Variants in CNTNAP5 observed in about 807,000 individuals in gnomAD.
CNTNAP5 encodes contactin associated protein family member 5, also known as contactin-associated protein-like 5.
Under a neutral mutation model 150.2 loss-of-function variants are expected in CNTNAP5, and 72 were observed. The ratio of observed to expected loss-of-function variants is 0.48; its 90% CI spans 0.40 to 0.58. CNTNAP5 has a LOEUF of 0.58. Ranked by LOEUF, CNTNAP5 falls within the 20% of genes least tolerant of loss-of-function variation. The pLI, the probability that CNTNAP5 is intolerant of heterozygous loss-of-function variation, is 0.00. For missense variants in CNTNAP5, 1,636 were observed against 1,626.2 expected (o/e 1.01, Z -0.10); for synonymous variants, 672 against 619.8 (o/e 1.08, Z -1.25).
intron 3 of CNTNAP5, among the ~76,000 whole-genome samples, chr2:124,413,695 C>G (rs1168057502): frequency 1.1e-4 from 2 of 17,610 alleles, no homozygotes; most frequent in African/African-American, 3.3e-4. Context: ...ATCACATGGA[C>G]ACAGGAAGGG....
intron 20 of CNTNAP5, among the ~76,000 whole-genome samples, chr2:124,866,060 G>A (rs545456762): frequency 3.3e-5 from 5 of 151,676 alleles, no homozygotes; most frequent in Middle Eastern, 3.2e-3. Context: ...TCAGGAGTTC[G>A]AGACTAGCCT....
chr2:124,693,944 A>T (rs1679352562), intron 13 of CNTNAP5, among the ~76,000 whole-genome samples: 1 of 152,028 alleles, frequency 6.6e-6, no homozygotes, highest in African/African-American at 2.4e-5. Flanking sequence ...AATGTCCATT[A>T]TCTGACCTAG....
chr2:124,216,215 G>T (rs767905528), intron 1 of CNTNAP5, among the ~76,000 whole-genome samples: 53 of 152,110 alleles, frequency 3.5e-4, no homozygotes, highest in Non-Finnish European at 3.2e-4. Flanking sequence ...TATCTGGGGG[G>T]ATGATGGGAG....
At chr2:124,610,193 C>T (rs2104984673) in intron 12 of CNTNAP5, among the ~76,000 whole-genome samples, 1 of 152,268 alleles carries the variant, frequency 6.6e-6, no homozygotes, top group South Asian at 2.1e-4. Flanking sequence ...CCTCCAAGGG[C>T]ATTTTCTCTC....
In CNTNAP5 at chr2:124,434,682, A is replaced by G. The variant is rs755328702; in HGVS notation, c.728A>G (p.Asn243Ser). Reference sequence around the variant, plus strand: ...AAGGGGAGGCTCGCCCTACACCTCAATTTGGGTAGGCTCAGACTTCCTCTT... The same window carrying G: ...AAGGGGAGGCTCGCCCTACACCTCAGTTTGGGTAGGCTCAGACTTCCTCTT... ...LQKGRLALHLNLGDSKARLSS... is the reference protein window; with the variant it reads ...LQKGRLALHLSLGDSKARLSS... Residue 243 changes from asparagine to serine, a missense_variant, in exon 5 of 24, where the codon AAT (asparagine) becomes AGT (serine). Physicochemically the swap from Asn to Ser is conservative, Grantham distance 46. Coordinates refer to ENST00000682447, the MANE Select transcript of CNTNAP5 (RefSeq NM_001367498.1). 8.1e-6 allele frequency: 13 copies of G among 1,608,886 alleles called. No homozygotes were observed. Among genetic ancestry groups the G allele is most frequent in the Non-Finnish European group, 1.1e-5 (13 of 1,177,586 alleles).
chr2:124,640,468 C>A (rs920665616), intron 12 of CNTNAP5, among the ~76,000 whole-genome samples: 1 of 152,110 alleles, frequency 6.6e-6, no homozygotes, highest in Non-Finnish European at 1.5e-5. Flanking sequence ...CACCCTGAAC[C>A]GGTAATGCGC....
chr2:124,234,558 A>G (rs1686700992), intron 2 of CNTNAP5, among the ~76,000 whole-genome samples: 2 of 152,122 alleles, frequency 1.3e-5, no homozygotes, highest in African/African-American at 2.4e-5. Flanking sequence ...CAAGTTTTTT[A>G]AAATGCCTGG....
In CNTNAP5 at chr2:124,798,222, A is replaced by G. The variant is rs753123561; in HGVS notation, c.3119A>G (p.Asn1040Ser). 30 of 1,613,812 alleles carry G rather than the reference A, an allele frequency of 1.9e-5. No homozygotes were observed. Among genetic ancestry groups the G allele is most frequent in the South Asian group, 5.5e-5 (5 of 91,082 alleles). The change falls in exon 19 of 24, where the codon AAC becomes AGC. Residue 1040 changes from asparagine to serine, a missense_variant. Asn to Ser is a conservative substitution (Grantham distance 46). Transcript: ENST00000682447. ...ACAGATTCAGCTCCATCCAAGGAAA[A>G]CATTGCACTTAGCTTTGTGACAACC... ...IYTDSAPSKENIALSFVTTQA... is the reference protein window; with the variant it reads ...IYTDSAPSKESIALSFVTTQA...
intron 13 of CNTNAP5, among the ~76,000 whole-genome samples, chr2:124,696,795 C>T (rs1303994245): frequency 6.6e-6 from 1 of 151,976 alleles, no homozygotes; most frequent in Non-Finnish European, 1.5e-5. Context: ...AACACACATT[C>T]ACACACACAC....
At chr2:124,435,727 G>A (rs910421591) in intron 5 of CNTNAP5, among the ~76,000 whole-genome samples, 6 of 152,156 alleles carry the variant, frequency 3.9e-5, no homozygotes, top group African/African-American at 1.2e-4. Context: ...GCAATTAGCT[G>A]GAGAGACATA....
At chr2:124,500,944 G>T (rs762320339) in intron 7 of CNTNAP5, among the ~76,000 whole-genome samples, 15 of 152,148 alleles carry the variant, frequency 9.9e-5, no homozygotes, top group East Asian at 1.9e-4. Flanking sequence ...GGAGCCCACG[G>T]TTCAACTGGA....
intron 1 of CNTNAP5, among the ~76,000 whole-genome samples, chr2:124,046,754 A>G (rs1681548965): frequency 6.6e-6 from 1 of 152,192 alleles, no homozygotes; most frequent in African/African-American, 2.4e-5. Context: ...GACATTTTAG[A>G]CATAGGGATT....
chr2:124,093,150 C>T (rs1028218029), intron 1 of CNTNAP5, among the ~76,000 whole-genome samples: 3 of 152,194 alleles, frequency 2.0e-5, no homozygotes, highest in Non-Finnish European at 4.4e-5. Context: ...ACATATCAGG[C>T]TGCACTGTTT....
intron 17 of CNTNAP5, among the ~76,000 whole-genome samples, chr2:124,786,398 A>AGAGAAG (rs1681583393): frequency 5.5e-4 from 25 of 45,158 alleles, no homozygotes; most frequent in Non-Finnish European, 8.2e-4. Flanking sequence ...AAAGAAAGAA[A>AGAGAAG]GAAGGAAGGA....
chr2:124,562,325 T>C (rs1280784693), intron 10 of CNTNAP5, among the ~76,000 whole-genome samples: 1 of 150,376 alleles, frequency 6.6e-6, no homozygotes, highest in African/African-American at 2.4e-5. Flanking sequence ...ATAATCATGT[T>C]TGTTATAATC....
intron 19 of CNTNAP5, among the ~76,000 whole-genome samples, chr2:124,821,614 C>G (rs1337947016): frequency 6.6e-6 from 1 of 152,070 alleles, no homozygotes; most frequent in Non-Finnish European, 1.5e-5. Context: ...TTTTTTTTAG[C>G]CTTTTTGTAG....
At chr2:124,456,462 A>G (rs149030620) in intron 6 of CNTNAP5, among the ~76,000 whole-genome samples, 1,689 of 152,318 alleles carry the variant, frequency 0.011, 15 homozygotes, top group Non-Finnish European at 0.014. Flanking sequence ...ATGAATGGGT[A>G]GAATCAATAT....
chr2:124,353,559 G>T lies in CNTNAP5; in HGVS notation c.382-63884G>T, dbSNP rs184001005. 1.1e-4 allele frequency among the ~76,000 whole-genome samples: 16 copies of T among 152,178 alleles called. No individual in the cohort carries two copies. In the East Asian group the frequency reaches 3.1e-3, roughly 29 times the overall value. On this transcript the variant is annotated intron_variant, in intron 3 of 23. Transcript: ENST00000682447. ...AAACTATAAGCCTGTCCCATTTCAG[G>T]TCTGCTCTCAGGCAGGCGGAGTGAG...
chr2:124,377,398 T>C (rs1012444899), intron 3 of CNTNAP5, among the ~76,000 whole-genome samples: 1 of 152,072 alleles, frequency 6.6e-6, no homozygotes, highest in Non-Finnish European at 1.5e-5. Context: ...TATTAGGAGC[T>C]ACCAGTAATT....
Sources: allele counts gnomAD v4.1 joint callset (sites outside exome capture counted in the v4.1 genomes callset), GRCh38; gene constraint gnomAD v4.1.1; transcripts MANE v1.5; gene names NCBI Gene and HGNC (gene_info 2026-07-23, HGNC 2026-07-21).